The following NBEA variants were observed in gnomAD, a reference collection of about 807,000 sequenced individuals.
NBEA encodes the protein lysosomal-trafficking regulator 2.
NBEA carries 44 observed loss-of-function variants against 343.4 expected under a neutral mutation model. That is an observed-to-expected ratio of 0.13 (90% CI 0.10 to 0.16). The LOEUF (loss-of-function observed/expected upper bound fraction) is 0.16, where lower values mean the gene tolerates loss of function less well. NBEA is among the 10% of genes least tolerant of loss of function. The pLI is 1.00. For missense variants in NBEA, 2,555 were observed against 3,631.3 expected (o/e 0.70, Z 7.62); for synonymous variants, 1,175 against 1,238.7 (o/e 0.95, Z 1.08).
At chr13:35,519,620 TATA>T (rs2077619311) in intron 41 of NBEA, among the ~76,000 whole-genome samples, 1 of 152,106 alleles carries the variant, frequency 6.6e-6, no homozygotes, top group Non-Finnish European at 1.5e-5. Flanking sequence ...AAATGAAGAG[TATA>T]ATTCATTTAT....
intron 34 of NBEA, among the ~76,000 whole-genome samples, chr13:35,272,503 C>T (rs547694875): frequency 1.3e-5 from 2 of 152,248 alleles, no homozygotes; most frequent in Admixed American, 6.5e-5. Flanking sequence ...TCACACATAA[C>T]AATATTAACC....
chr13:35,462,366 C>G (rs1406270342), intron 40 of NBEA, among the ~76,000 whole-genome samples: 1 of 152,120 alleles, frequency 6.6e-6, no homozygotes. Flanking sequence ...TGGGTATTTC[C>G]TTTCTTGAGT....
At chr13:35,602,264 A>G (rs1272943651) in intron 47 of NBEA, among the ~76,000 whole-genome samples, 1 of 152,212 alleles carries the variant, frequency 6.6e-6, no homozygotes, top group Admixed American at 6.5e-5. Context: ...AAATTATACT[A>G]ATGTCTTGTG....
chr13:35,062,342 TA>T (rs951044095), intron 8 of NBEA, among the ~76,000 whole-genome samples: 14 of 151,572 alleles, frequency 9.2e-5, no homozygotes, highest in African/African-American at 3.4e-4. Context: ...AAGATTGGGG[TA>T]AAAAAATAGA....
chr13:35,655,504 A>T, intron 54 of NBEA, 75 bp from the exon 55 acceptor site: 2 of 1,406,046 alleles, frequency 1.4e-6, no homozygotes, highest in Non-Finnish European at 1.9e-6. Flanking sequence ...TTTTTAAAAA[A>T]TCTGATAAAG....
intron 35 of NBEA, among the ~76,000 whole-genome samples, chr13:35,294,595 T>A (rs2035999574): frequency 6.6e-6 from 1 of 152,148 alleles, no homozygotes; most frequent in Admixed American, 6.6e-5. Context: ...TGACTACATT[T>A]TTTAAACATT....
intron 1 of NBEA, among the ~76,000 whole-genome samples, chr13:34,964,075 G>A (rs2059745604): frequency 6.6e-6 from 1 of 151,884 alleles, no homozygotes; most frequent in Non-Finnish European, 1.5e-5. Context: ...TCAGACACAG[G>A]CAGTACTTGC....
chr13:35,156,918 G>A (rs1170465069), intron 20 of NBEA, among the ~76,000 whole-genome samples, 160 bp from the exon 21 acceptor site: 1 of 152,130 alleles, frequency 6.6e-6, no homozygotes, highest in African/African-American at 2.4e-5. Flanking sequence ...ATAAGAGAAA[G>A]TCATTCCAAG....
intron 38 of NBEA, among the ~76,000 whole-genome samples, chr13:35,407,695 G>A (rs929546474): frequency 6.6e-6 from 1 of 151,960 alleles, no homozygotes; most frequent in East Asian, 1.9e-4. Context: ...TTAAAATCAC[G>A]AGCATTGCTA....
At chr13:35,290,536 T>C (rs1443840508) in intron 35 of NBEA, 86 bp downstream of exon 35, 4 of 857,130 alleles carry the variant, frequency 4.7e-6, no homozygotes, top group East Asian at 2.6e-5. Context: ...TATATGTGTA[T>C]GTTTATATAT....
At chr13:35,344,433 A>C (rs2039759566) in intron 36 of NBEA, among the ~76,000 whole-genome samples, 1 of 152,056 alleles carries the variant, frequency 6.6e-6, no homozygotes, top group African/African-American at 2.4e-5. Context: ...GAAATCAGCA[A>C]AATAGAAAAA....
intron 40 of NBEA, among the ~76,000 whole-genome samples, chr13:35,460,913 A>G (rs1487447729): frequency 6.6e-6 from 1 of 151,674 alleles, no homozygotes; most frequent in African/African-American, 2.4e-5. Context: ...GCTGGTAGGG[A>G]CTCTCTGCAG....
chr13:35,204,582 A>C (rs2152747873), intron 31 of NBEA, among the ~76,000 whole-genome samples: 1 of 152,206 alleles, frequency 6.6e-6, no homozygotes, highest in African/African-American at 2.4e-5. Flanking sequence ...ATACAATTAA[A>C]GTTGAGATTT....
At chr13:35,200,973 T>G (rs1738422608) in intron 31 of NBEA, among the ~76,000 whole-genome samples, 1 of 147,014 alleles carries the variant, frequency 6.8e-6, no homozygotes, top group Admixed American at 7.0e-5. Context: ...TGAAAAATTA[T>G]AATTACTTCT....
At chr13:35,076,214 T>C (rs1440080605) in intron 10 of NBEA, among the ~76,000 whole-genome samples, 1 of 152,014 alleles carries the variant, frequency 6.6e-6, no homozygotes, top group African/African-American at 2.4e-5. Context: ...CTGATATGTC[T>C]TAAGATTCAT....
At chr13:35,485,571 A>G (rs1375161297) in intron 41 of NBEA, among the ~76,000 whole-genome samples, 3 of 152,048 alleles carry the variant, frequency 2.0e-5, no homozygotes, top group African/African-American at 7.2e-5. Flanking sequence ...CAAGAAACCT[A>G]CTATACTTAA....
chr13:35,534,413 C>G (rs1402861067), intron 41 of NBEA, among the ~76,000 whole-genome samples: 1 of 152,228 alleles, frequency 6.6e-6, no homozygotes, highest in Non-Finnish European at 1.5e-5. Context: ...AAGTCATTCT[C>G]CATACTGCTT....
intron 39 of NBEA, among the ~76,000 whole-genome samples, chr13:35,439,765 A>G (rs765188180): frequency 2.7e-4 from 41 of 151,800 alleles, no homozygotes; most frequent in Non-Finnish European, 5.3e-4. Flanking sequence ...TGCATTTTAG[A>G]AAAAAAAAGA....
intron 2 of NBEA, among the ~76,000 whole-genome samples, chr13:35,043,174 C>T (rs1351875949): frequency 3.3e-5 from 5 of 150,914 alleles, no homozygotes; most frequent in African/African-American, 1.2e-4. Context: ...TACTTTTAAT[C>T]TTGTTCTCCA....
Sources: gnomAD v4.1 joint callset for allele counts (sites outside exome capture counted in the v4.1 genomes callset) on GRCh38, gnomAD v4.1.1 for gene constraint, MANE v1.5 for transcripts, NCBI Gene and HGNC (gene_info 2026-07-23, HGNC 2026-07-21) for gene names.